MAPKAPK5: variants seen among roughly 807,000 people sequenced by gnomAD.
MAPKAPK5 encodes MAP kinase-activated protein kinase 5.
Under a neutral mutation model 65.1 loss-of-function variants are expected in MAPKAPK5, and 30 were observed. The observed-to-expected ratio is 0.46, with a 90% CI of 0.34 to 0.63. MAPKAPK5 has a LOEUF of 0.63. Among genes scored for constraint, MAPKAPK5 ranks in the 20% least tolerant of loss-of-function variants. MAPKAPK5 has a pLI of 0.01. For synonymous variants in MAPKAPK5, 179 were observed against 204.6 expected, an observed-to-expected ratio of 0.87 and a Z score of 1.07; for missense variants, 433 against 581.4, an observed-to-expected ratio of 0.74 and a Z score of 2.63.
chr12:111,870,967 C>T (rs1260690583), intron 6 of MAPKAPK5, 118 bp from the exon 7 acceptor site: 12 of 684,332 alleles, frequency 1.8e-5, no homozygotes, highest in East Asian at 1.1e-4. Context: ...TTCATAAGTT[C>T]GCATCTCAGC....
chr12:111,894,791 T>TGTGTGG lies in MAPKAPK5; in HGVS notation c.*1731_*1732insTGTGGG, dbSNP rs58268114. ...ATGTGTGTGTGTGTGTGTGTGTGTG[T>TGTGTGG]GAAGCAGTTTTTGGTGGGTACTTAC... is the stretch of plus-strand genomic sequence containing the variant. On this transcript the variant is annotated 3_prime_UTR_variant, in exon 14 of 14. Transcript: ENST00000550735. 6.6e-6 allele frequency: 1 copy of TGTGTGG among 151,444 alleles called. No homozygotes were observed. Among genetic ancestry groups the TGTGTGG allele is most frequent in the Non-Finnish European group, 1.5e-5 (1 of 67,962 alleles). The allele number at this position is 151,444 out of a possible 1,614,324, so 9.4% of individuals were successfully genotyped here.
intron 1 of MAPKAPK5, among the ~76,000 whole-genome samples, chr12:111,862,754 G>A (rs998852641): frequency 6.6e-6 from 1 of 152,018 alleles, no homozygotes; most frequent in Non-Finnish European, 1.5e-5. Context: ...ACATCCGAGG[G>A]GTTGGGCATA....
chr12:111,877,178 C>CTCAGCCTCCCGAGTAGCTG (rs1555272148), intron 7 of MAPKAPK5, among the ~76,000 whole-genome samples: 7 of 152,188 alleles, frequency 4.6e-5, no homozygotes, highest in South Asian at 2.1e-4. Context: ...CCACCACGCC[C>CTCAGCCTCCCGAGTAGCTG]GGCTAATTTT....
In MAPKAPK5 at chr12:111,866,236, GC is replaced by G; in HGVS notation, c.186+6del. ...CGTCCAAAAGCTAGAAATGAGGTAT[GC>G]TTTATTGCCTCGACTTAATTAAATA... On this transcript the variant is annotated splice_donor_region_variant and intron_variant, in intron 3 of 13. Transcript: ENST00000550735. The G allele has an allele frequency of 6.2e-7, 1 of 1,607,486 alleles. No individual in the cohort carries two copies. The highest frequency in any genetic ancestry group is 8.5e-7 in the Non-Finnish European group (1 of 1,176,952).
chr12:111,887,563 C>T (rs142921762), intron 10 of MAPKAPK5: 3 of 152,404 alleles, frequency 2.0e-5, no homozygotes, highest in East Asian at 1.9e-4. Flanking sequence ...ATCCCAGCTA[C>T]TCTGGAGGTT....
chr12:111,864,461 A>T (rs1375331101), intron 1 of MAPKAPK5, among the ~76,000 whole-genome samples: 2 of 152,106 alleles, frequency 1.3e-5, no homozygotes, highest in Non-Finnish European at 2.9e-5. Context: ...TGGCCTCCTA[A>T]AGTGCTGGGA....
At position 111,883,909 on chromosome 12, in the gene MAPKAPK5, T is replaced by C. The variant is rs1473266654; in HGVS notation, c.848+141T>C. On this transcript the variant is annotated intron_variant, in intron 9 of 13. Transcript: ENST00000550735. The surrounding 1 kb of genome is among the most constrained non-coding windows in gnomAD (Gnocchi z 4.8). ...ATATCACAGAAATCTCTCTGGAGCC[T>C]GAGGTGACTGTTCTCAGTGTCCACA... 8.4e-6 allele frequency: 7 copies of C among 831,320 alleles called. No homozygotes were observed. The allele number at this position is 831,320 out of a possible 1,614,324, so 51.5% of individuals were successfully genotyped here.
chr12:111,892,897 G>T (rs1453791590), intron 13 of MAPKAPK5, 70 bp from the exon 14 acceptor site: 9 of 1,098,708 alleles, frequency 8.2e-6, no homozygotes, highest in African/African-American at 1.6e-5. Flanking sequence ...GGACCTTATT[G>T]GGTCTCTGTC....
rs1555276322 is a variant in MAPKAPK5 at position 111,894,766 on chromosome 12, A to ATGTGTGTGTGTGTGTGTGTG, written c.*1712_*1731dup. ...CCATAACAAACCAATTTTCGTGTAT[A>ATGTGTGTGTGTGTGTGTGTG]TGTGTGTGTGTGTGTGTGTGTGTGT... On this transcript the variant is annotated 3_prime_UTR_variant, in exon 14 of 14. Coordinates refer to ENST00000550735, the MANE Select transcript of MAPKAPK5 (RefSeq NM_003668.4). The ATGTGTGTGTGTGTGTGTGTG allele has an allele frequency of 5.5e-4, 81 of 146,126 alleles. No individual in the cohort carries two copies. Among genetic ancestry groups the ATGTGTGTGTGTGTGTGTGTG allele is most frequent in the African/African-American group, 2.0e-3 (78 of 38,510 alleles). The allele number at this position is 146,126 out of a possible 1,614,324, so 9.1% of individuals were successfully genotyped here.
At chr12:111,888,002 A>C (rs1489895145) in intron 10 of MAPKAPK5, 2 of 163,094 alleles carry the variant, frequency 1.2e-5, no homozygotes, top group South Asian at 3.3e-4. Context: ...TCCAGACTCC[A>C]TGACAGCTAT....
In MAPKAPK5 at chr12:111,871,120, C is replaced by G. The variant is rs868095637; in HGVS notation, c.519C>G (p.Ala173=). 1.2e-6 allele frequency: 2 copies of G among 1,613,192 alleles called. No individual in the cohort carries two copies. The highest frequency in any genetic ancestry group is 1.7e-6 in the Non-Finnish European group (2 of 1,179,774). ...APVKLCDFGF[A]KIDQGDLMTP... is the part of the protein sequence containing the mutation. ...TGAAGTTGTGTGACTTTGGATTTGC[C>G]AAGATTGACCAAGGTGACTTGATGA... Residue 173 remains alanine (A), a synonymous_variant, in exon 7 of 14, where the codon GCC becomes GCG. Coordinates refer to ENST00000550735, the MANE Select transcript of MAPKAPK5 (RefSeq NM_003668.4).
In MAPKAPK5 at chr12:111,865,252, A is replaced by G; in HGVS notation, c.39A>G (p.Glu13=). 3 of 1,568,488 alleles carry G rather than the reference A, an allele frequency of 1.9e-6. No homozygotes were observed. The highest frequency in any genetic ancestry group is 2.6e-6 in the Non-Finnish European group (3 of 1,153,532). Residue 13 remains glutamate (E), a splice_region_variant and synonymous_variant, in exon 2 of 14, where the codon GAA becomes GAG. Transcript: ENST00000550735. ...EESDMDKAIK[E]TSILEEYSIN... ...TCTCCCTTTTTTTATATTAATAGGA[A>G]ACTTCCATTTTAGAAGAATACAGTA... is the stretch of plus-strand genomic sequence containing the variant.
rs867306706 is a variant in MAPKAPK5 at position 111,864,391 on chromosome 12, G to A, written c.37-859G>A. ...AATTTTCGTAGTTTTTAGTAGACAC[G>A]GGGTTTCACCATGTTGGCCAGGATG... On this transcript the variant is annotated intron_variant, in intron 1 of 13. Coordinates refer to ENST00000550735, the MANE Select transcript of MAPKAPK5 (RefSeq NM_003668.4). 5.9e-5 allele frequency among the ~76,000 whole-genome samples: 9 copies of A among 152,096 alleles called. No homozygotes were observed. In the South Asian group the frequency reaches 8.3e-4, roughly 14 times the overall value.
rs2070317097 is a variant in MAPKAPK5, at chr12:111,883,869, C to T, written c.848+101C>T. On this transcript the variant is annotated intron_variant, in intron 9 of 13. Coordinates refer to ENST00000550735, the MANE Select transcript of MAPKAPK5 (RefSeq NM_003668.4). The surrounding 1 kb of genome is among the most constrained non-coding windows in gnomAD (Gnocchi z 4.8). ...AAAAGTCACTGGTTTCCTAGGCAGG[C>T]TCCTCCCCGTTTTAATATCACAGAA... 12 of 1,200,552 alleles carry T rather than the reference C, an allele frequency of 1.0e-5. No individual in the cohort carries two copies. The highest frequency in any genetic ancestry group is 1.4e-5 in the Non-Finnish European group (12 of 870,516). The allele number at this position is 1,200,552 out of a possible 1,614,324, so 74.4% of individuals were successfully genotyped here.
In MAPKAPK5 at chr12:111,883,737, A is replaced by G; in HGVS notation, c.817A>G (p.Ile273Val). ...GTTCCCAGAGGAAGAGTGGAGTCAG[A>G]TCTCAGAGATGGCCAAAGATGTTGT... ...FEFPEEEWSQ[I>V]SEMAKDVVRK... Residue 273 changes from isoleucine (I) to valine (V), a missense_variant, in exon 9 of 14, where the codon ATC becomes GTC. Physicochemically the swap from Ile to Val is conservative, Grantham distance 29 (BLOSUM62 3). Transcript: ENST00000550735. This position sits in a 1 kb window ranked among gnomAD's most constrained non-coding sequence, Gnocchi z 4.8. 1 of 1,613,938 alleles carries G rather than the reference A, an allele frequency of 6.2e-7. No individual in the cohort carries two copies. The highest frequency in any genetic ancestry group is 8.5e-7 in the Non-Finnish European group (1 of 1,179,854).
intron 1 of MAPKAPK5, chr12:111,843,521 A>T: frequency 2.8e-6 from 1 of 361,098 alleles, no homozygotes; most frequent in Non-Finnish European, 4.9e-6. Context: ...GTCTTATGAA[A>T]ATTAAACATT....
At chr12:111,845,726 A>G (rs1229105589) in intron 1 of MAPKAPK5, among the ~76,000 whole-genome samples, 1 of 152,118 alleles carries the variant, frequency 6.6e-6, no homozygotes, top group East Asian at 2.0e-4. Flanking sequence ...GTTGGAGACC[A>G]CTCTGGCCAA....
chr12:111,861,167 AT>A (rs1363239821), intron 1 of MAPKAPK5, among the ~76,000 whole-genome samples: 4 of 151,928 alleles, frequency 2.6e-5, no homozygotes, highest in Non-Finnish European at 4.4e-5. Context: ...AAAAAAAAAA[AT>A]AATTTCCATT....
At position 111,868,880 on chromosome 12, in the gene MAPKAPK5, CCAAT is replaced by C. The variant is rs747791922; in HGVS notation, c.393+23_393+26del. The C allele has an allele frequency of 6.5e-7, 1 of 1,528,560 alleles. No homozygotes were observed. The allele number at this position is 1,528,560 out of a possible 1,614,324, so 94.7% of individuals were successfully genotyped here. A position where few individuals can be genotyped will look rare whatever the true frequency, so the allele number is the denominator to read the frequency against. ...AAAGCAGGCAAGTTAACCCCAGGTA[CCAAT>C]CAAACTGCCACCAAAGTTGGTTAAC... is the stretch of plus-strand genomic sequence containing the variant. On this transcript the variant is annotated intron_variant, in intron 5 of 13. Transcript: ENST00000550735.
Sources: gnomAD v4.1 joint callset for allele counts (sites outside exome capture counted in the v4.1 genomes callset) on GRCh38, gnomAD v4.1.1 for gene constraint, Gnocchi (gnomAD v3.1) non-coding constraint, MANE v1.5 for transcripts, NCBI Gene and HGNC (gene_info 2026-07-23, HGNC 2026-07-21) for gene names.